The following ZNF254 variants were observed in gnomAD, a reference collection of about 807,000 sequenced individuals.
ZNF254 encodes zinc finger protein 254, also known as CTD-2017D11.1.
A neutral mutation model predicts 12.4 loss-of-function variants in ZNF254; 10 were observed. The ratio of observed to expected loss-of-function variants is 0.80; its 90% confidence interval spans 0.50 to 1.36. The LOEUF (loss-of-function observed/expected upper bound fraction) is 1.36. ZNF254 is among the 40% of genes most tolerant of loss of function. The pLI is 0.00. For synonymous variants in ZNF254, 305 were observed against 253.4 expected (o/e 1.20, Z -1.93); for missense variants, 996 against 763.9 (o/e 1.30, Z -3.58).
chr19:24,115,034 G>A (rs1354493159), intron 3 of ZNF254, among the ~76,000 whole-genome samples: 2 of 152,390 alleles, frequency 1.3e-5, no homozygotes, highest in East Asian at 1.9e-4. Flanking sequence ...AACAGGTGCT[G>A]GAGAGGATGT....
rs1975049938 is a variant in ZNF254, at chr19:24,128,519, C to T, written c.*539C>T. 1 of 152,000 alleles carries T rather than the reference C, an allele frequency of 6.6e-6. No individual in the cohort carries two copies. Among genetic ancestry groups the T allele is most frequent in the East Asian group, 1.9e-4 (1 of 5,194 alleles). 9.4% of individuals were successfully genotyped at this position (152,000 alleles called of 1,614,324 possible). On this transcript the variant is annotated 3_prime_UTR_variant, in exon 4 of 4. Transcript: ENST00000357002. Reference sequence around the variant, plus strand: ...CAGATCTTATTGTACACATTTTATACTAGAGAAAAACCCTCAGGCAGTTGT... The same window carrying T: ...CAGATCTTATTGTACACATTTTATATTAGAGAAAAACCCTCAGGCAGTTGT...
At chr19:24,097,345 G>C (rs1438019460) in intron 1 of ZNF254, among the ~76,000 whole-genome samples, 2 of 152,032 alleles carry the variant, frequency 1.3e-5, no homozygotes, top group Non-Finnish European at 2.9e-5. Context: ...TAAGTTGTTT[G>C]ACAGAAACCT....
intron 2 of ZNF254, among the ~76,000 whole-genome samples, chr19:24,068,853 TCTC>T (rs1418825511): frequency 2.0e-5 from 3 of 152,202 alleles, no homozygotes; most frequent in Non-Finnish European, 4.4e-5. Context: ...AGTTATAGTC[TCTC>T]CTAGCTAGGC....
At chr19:24,056,291 ACT>A (rs1332456113) in intron 2 of ZNF254, among the ~76,000 whole-genome samples, 2 of 151,950 alleles carry the variant, frequency 1.3e-5, no homozygotes, top group Non-Finnish European at 2.9e-5. Flanking sequence ...TGGTAATGTA[ACT>A]CTACTGCCAA....
chr19:24,117,793 C>T (rs1012037485), intron 3 of ZNF254, among the ~76,000 whole-genome samples: 46 of 152,156 alleles, frequency 3.0e-4, no homozygotes, highest in African/African-American at 9.2e-4. Context: ...GCATCACTCA[C>T]GCTGGGAGCT....
intron 3 of ZNF254, among the ~76,000 whole-genome samples, chr19:24,122,123 T>A (rs1035526588): frequency 6.6e-6 from 1 of 152,204 alleles, no homozygotes; most frequent in Non-Finnish European, 1.5e-5. Context: ...AAATATTCAG[T>A]TAAGTCACAC....
intron 1 of ZNF254, among the ~76,000 whole-genome samples, chr19:24,091,003 C>G (rs1972345540): frequency 7.8e-6 from 1 of 129,024 alleles, no homozygotes; most frequent in Non-Finnish European, 1.5e-5. Flanking sequence ...GGCTGGAGTG[C>G]AGTGGCGCCA....
chr19:24,095,959 G>C (rs1379903894), intron 1 of ZNF254, among the ~76,000 whole-genome samples: 3 of 151,108 alleles, frequency 2.0e-5, no homozygotes, highest in African/African-American at 7.3e-5. Flanking sequence ...GTAAAATGAA[G>C]ATCTTTCTAA....
chr19:24,114,190 A>G (rs1023613468), intron 3 of ZNF254, among the ~76,000 whole-genome samples: 3 of 152,342 alleles, frequency 2.0e-5, no homozygotes, highest in Admixed American at 6.5e-5. Context: ...TAAAGTTCAC[A>G]TGGAACCAAA....
rs1972483094 is a variant in ZNF254, at chr19:24,093,017, C to G, written c.30+5680C>G. On this transcript the variant is annotated intron_variant, in intron 1 of 3. Coordinates refer to ENST00000357002, the MANE Select transcript of ZNF254 (RefSeq NM_203282.4). ...CGTTCTCACTGGCATGAGATTGTAT[C>G]TCGTGGTTTTTCTTTGCATTTCTCC... is the stretch of plus-strand genomic sequence containing the variant. Among the ~76,000 whole-genome samples the G allele has an allele frequency of 1.3e-5, 2 of 152,112 alleles. 1 individual carries two copies. The highest frequency in any genetic ancestry group is 4.1e-4 in the South Asian group (2 of 4,834).
upstream of ZNF254, among the ~76,000 whole-genome samples, chr19:24,085,751 G>A (rs974041598): frequency 6.6e-6 from 1 of 151,542 alleles, no homozygotes; most frequent in Non-Finnish European, 1.5e-5. Context: ...CAGCCTGGGC[G>A]AAAGAGCAAG....
chr19:24,126,406 A>G lies in ZNF254; in HGVS notation c.406A>G (p.Lys136Glu), dbSNP rs781147884. The G allele has an allele frequency of 1.3e-5, 21 of 1,606,266 alleles. No homozygotes were observed. The African/African-American group carries it at 2.4e-4, about 18-fold the overall frequency. Residue 136 changes from lysine (K) to glutamate (E), a missense_variant, in exon 4 of 4, where the codon AAA becomes GAA. Lys to Glu is a moderately conservative substitution (Grantham distance 56). Transcript: ENST00000357002. ...AAGTGTGGATGAGTATAAGGTGAAC[A>G]AAGAAGGTTATAATGGACTTAACCA... ...CKSVDEYKVN[K>E]EGYNGLNQCF...
chr19:24,083,065 A>ATACTCTAAATACCCTAAATACCCTAAAT (rs1191316020), upstream of ZNF254, among the ~76,000 whole-genome samples: 1 of 152,148 alleles, frequency 6.6e-6, no homozygotes, highest in Non-Finnish European at 1.5e-5. Context: ...ATAATTAGGA[A>ATACTCTAAATACCCTAAATACCCTAAAT]ACCCTAAATA....
At chr19:24,122,781 C>T (rs973073346) in intron 3 of ZNF254, among the ~76,000 whole-genome samples, 1 of 152,056 alleles carries the variant, frequency 6.6e-6, no homozygotes, top group African/African-American at 2.4e-5. Context: ...CTTGCTTTTA[C>T]CTATTGGCTT....
intron 2 of ZNF254, among the ~76,000 whole-genome samples, chr19:24,052,747 A>G (rs1417725624): frequency 6.6e-6 from 1 of 152,210 alleles, no homozygotes; most frequent in Admixed American, 6.5e-5. Context: ...CCCAAAAGGC[A>G]GGTGATGTGA....
intron 2 of ZNF254, among the ~76,000 whole-genome samples, chr19:24,054,228 A>G (rs1259769800): frequency 6.6e-6 from 1 of 152,130 alleles, no homozygotes; most frequent in Admixed American, 6.5e-5. Flanking sequence ...CCCAGGTGAT[A>G]TGACACTCCT....
rs779551926 is a variant in ZNF254 at position 24,106,573 on chromosome 19, G to T, written c.183G>T (p.Leu61=). The change falls in exon 3 of 4, where the codon CTG becomes CTT. Residue 61 remains leucine, a synonymous_variant. Transcript: ENST00000357002. The part of the protein sequence containing the change: ...FLGIAVSKPD[L]ITCLEQGKEP... The stretch of plus-strand genomic sequence containing the variant: ...GTATTGCTGTCTCTAAGCCAGACCT[G>T]ATCACCTGTCTGGAACAAGGGAAAG... 35 of 1,582,684 alleles carry T rather than the reference G, an allele frequency of 2.2e-5. No homozygotes were observed. The highest frequency in any genetic ancestry group is 2.8e-5 in the Non-Finnish European group (33 of 1,162,564).
intron 2 of ZNF254, among the ~76,000 whole-genome samples, chr19:24,071,515 A>T (rs1254527819): frequency 1.3e-5 from 2 of 152,204 alleles, no homozygotes; most frequent in Non-Finnish European, 2.9e-5. Flanking sequence ...GGCCTAGGTT[A>T]TGCGACTTTT....
upstream of ZNF254, chr19:24,087,179 A>G (rs1459239568): frequency 7.4e-6 from 9 of 1,221,482 alleles, no homozygotes; most frequent in Admixed American, 6.1e-5. Context: ...CTTCCGGGAT[A>G]TGGCGGGGCC....
Sources: gnomAD v4.1 joint callset for allele counts (sites outside exome capture counted in the v4.1 genomes callset) on GRCh38, gnomAD v4.1.1 for gene constraint, MANE v1.5 for transcripts, NCBI Gene and HGNC (gene_info 2026-07-23, HGNC 2026-07-21) for gene names.